The following TRAPPC12 variants were observed in gnomAD, a reference collection of about 807,000 sequenced individuals.
TRAPPC12 encodes TPR repeat protein 15.
A neutral mutation model predicts 69.2 loss-of-function variants in TRAPPC12; 61 were observed. The ratio of observed to expected loss-of-function variants is 0.88; its 90% CI spans 0.72 to 1.09. The LOEUF is 1.09. TRAPPC12 is among the 50% of genes least tolerant of loss of function. TRAPPC12 has a pLI of 0.00. For missense variants in TRAPPC12, 1,101 were observed against 1,016.4 expected (o/e 1.08, Z -1.13); for synonymous variants, 469 against 438.9 (o/e 1.07, Z -0.86).
chr2:3,466,379 A>G (rs1042106202), intron 9 of TRAPPC12: 4 of 471,118 alleles, frequency 8.5e-6, no homozygotes, highest in African/African-American at 2.0e-5. Flanking sequence ...GACCTTCCAC[A>G]GGCACCCACT....
intron 3 of TRAPPC12, among the ~76,000 whole-genome samples, chr2:3,420,078 G>A (rs1349968143): frequency 6.6e-6 from 1 of 152,200 alleles, no homozygotes; most frequent in Non-Finnish European, 1.5e-5. Context: ...CAAAGATGTT[G>A]ATACCAGCTT....
chr2:3,421,699 G>T (rs1236726554), intron 3 of TRAPPC12, 182 bp from the exon 4 acceptor site: 1 of 718,072 alleles, frequency 1.4e-6, no homozygotes, highest in South Asian at 1.5e-5. Context: ...TACACGTGCA[G>T]CGTTGACAAA....
chr2:3,387,637 G>T lies in TRAPPC12; in HGVS notation c.14G>T (p.Gly5Val), dbSNP rs1660553035. Residue 5 changes from glycine (G) to valine (V), a missense_variant, in exon 2 of 12, where the codon GGC becomes GTC. Gly to Val is a moderately radical substitution (Grantham distance 109). Transcript: ENST00000324266. MEDA[G>V]GGEETPAPEA... ...GCTTTCAGGGTCATGGAGGACGCTG[G>T]CGGCGGCGAGGAGACCCCGGCCCCG... 1 of 1,542,882 alleles carries T rather than the reference G, an allele frequency of 6.5e-7. No individual in the cohort carries two copies. The highest frequency in any genetic ancestry group is 1.2e-5 in the South Asian group (1 of 83,572).
intron 6 of TRAPPC12, chr2:3,449,216 C>T (rs1664718193): frequency 6.6e-6 from 1 of 152,234 alleles, no homozygotes; most frequent in Admixed American, 6.5e-5. Flanking sequence ...GAGAGAGCTT[C>T]ACAGACCATT....
intron 3 of TRAPPC12, among the ~76,000 whole-genome samples, chr2:3,415,589 A>G (rs1662330544): frequency 6.6e-6 from 1 of 150,802 alleles, no homozygotes; most frequent in South Asian, 2.1e-4. Context: ...TTTTTGGTGG[A>G]ACTGGAATTT....
chr2:3,453,765 C>T (rs1464390211), intron 6 of TRAPPC12, among the ~76,000 whole-genome samples: 1 of 152,182 alleles, frequency 6.6e-6, no homozygotes, highest in African/African-American at 2.4e-5. Context: ...GACACACTGT[C>T]GGGCTTTTTT....
chr2:3,462,144 T>C (rs1665541428), intron 8 of TRAPPC12, among the ~76,000 whole-genome samples: 1 of 152,248 alleles, frequency 6.6e-6, no homozygotes, highest in Admixed American at 6.5e-5. Context: ...CCTGTTCCAC[T>C]GGCGGGCTTT....
intron 5 of TRAPPC12, among the ~76,000 whole-genome samples, chr2:3,441,954 G>A (rs1664233655): frequency 6.6e-6 from 1 of 152,174 alleles, no homozygotes; most frequent in East Asian, 1.9e-4. Flanking sequence ...CCATGTCCAT[G>A]GGCAGTTGTC....
intron 5 of TRAPPC12, among the ~76,000 whole-genome samples, chr2:3,429,151 G>T (rs923094556): frequency 6.6e-6 from 1 of 152,184 alleles, no homozygotes; most frequent in African/African-American, 2.4e-5. Flanking sequence ...CAACTGGCTG[G>T]GGGTTGTGAG....
chr2:3,462,914 C>T (rs762932599), intron 8 of TRAPPC12: 4 of 470,990 alleles, frequency 8.5e-6, no homozygotes, highest in Middle Eastern at 3.2e-4. Flanking sequence ...GAAAGGAGCA[C>T]GCAGCTGCAT....
chr2:3,410,095 C>T (rs1044930242), intron 3 of TRAPPC12, among the ~76,000 whole-genome samples: 15 of 152,338 alleles, frequency 9.8e-5, no homozygotes, highest in Admixed American at 7.8e-4. Context: ...TGTTCTGACT[C>T]CTAGAAAATT....
At chr2:3,427,851 C>T (rs181541234) in intron 5 of TRAPPC12, among the ~76,000 whole-genome samples, 304 of 152,106 alleles carry the variant, frequency 2.0e-3, no homozygotes, top group Non-Finnish European at 3.8e-3. Flanking sequence ...CAAGATCATA[C>T]CACTGCACTC....
intron 3 of TRAPPC12, among the ~76,000 whole-genome samples, chr2:3,406,119 G>C (rs1234058771): frequency 6.6e-6 from 1 of 152,092 alleles, no homozygotes; most frequent in Non-Finnish European, 1.5e-5. Context: ...ACCTTCCCCA[G>C]AGACGCTTCC....
rs1472037139 is a variant in TRAPPC12, at chr2:3,388,652, C to G, written c.1029C>G (p.Leu343=). 1 of 1,566,454 alleles carries G rather than the reference C, an allele frequency of 6.4e-7. No individual in the cohort carries two copies. Among genetic ancestry groups the G allele is most frequent in the African/African-American group, 1.4e-5 (1 of 73,870 alleles). ...VDKENLTMPG[L]RFDNIQGDAV... is the part of the protein sequence containing the mutation. ...AGGAGAACCTCACCATGCCGGGCCT[C>G]AGGTTCGACAACATCCAGGTGAGCC... Residue 343 remains leucine (L), a synonymous_variant, in exon 2 of 12, where the codon CTC becomes CTG. Transcript: ENST00000324266.
At chr2:3,466,042 A>G (rs533911215) in intron 9 of TRAPPC12, among the ~76,000 whole-genome samples, 1 of 152,232 alleles carries the variant, frequency 6.6e-6, no homozygotes, top group African/African-American at 2.4e-5. Flanking sequence ...TCACTCGCTG[A>G]TATTTTGCCT....
chr2:3,404,745 A>G (rs570461218), intron 3 of TRAPPC12, among the ~76,000 whole-genome samples: 1 of 152,198 alleles, frequency 6.6e-6, no homozygotes, highest in Admixed American at 6.5e-5. Context: ...TTCTTGAGTA[A>G]ATAAAGGGAT....
At position 3,414,644 on chromosome 2, in the gene TRAPPC12, T is replaced by G. The variant is rs571761821; in HGVS notation, c.1165-7237T>G. ...GGCATCAGTGCCTCACAGAGCTGTGTGCCAGCAGTGTCCTCACAGAGCTGT... is the reference window on the plus strand; with the variant it reads ...GGCATCAGTGCCTCACAGAGCTGTGGGCCAGCAGTGTCCTCACAGAGCTGT... On this transcript the variant is annotated intron_variant, in intron 3 of 11. Coordinates refer to ENST00000324266, the MANE Select transcript of TRAPPC12 (RefSeq NM_016030.6). The surrounding 1 kb of genome is among the most constrained non-coding windows in gnomAD (Gnocchi z 4.9). 6.6e-6 allele frequency among the ~76,000 whole-genome samples: 1 copy of G among 152,152 alleles called. No homozygotes were observed. Among genetic ancestry groups the G allele is most frequent in the South Asian group, 2.1e-4 (1 of 4,808 alleles).
chr2:3,445,735 C>G (rs1486382694), intron 6 of TRAPPC12, among the ~76,000 whole-genome samples: 1 of 152,254 alleles, frequency 6.6e-6, no homozygotes, highest in East Asian at 1.9e-4. Context: ...TCATCACTTG[C>G]CTGGCTTCAT....
At chr2:3,411,600 A>G (rs148303945) in intron 3 of TRAPPC12, among the ~76,000 whole-genome samples, 1 of 152,364 alleles carries the variant, frequency 6.6e-6, no homozygotes, top group Non-Finnish European at 1.5e-5. Context: ...ATATATGCTT[A>G]GGCACAAAAT....
Sources: gnomAD v4.1 joint callset for allele counts (sites outside exome capture counted in the v4.1 genomes callset) on GRCh38, gnomAD v4.1.1 for gene constraint, Gnocchi (gnomAD v3.1) non-coding constraint, MANE v1.5 for transcripts, NCBI Gene and HGNC (gene_info 2026-07-23, HGNC 2026-07-21) for gene names.